Variants in GPC6 observed in about 807,000 individuals in gnomAD.
GPC6 encodes the protein glypican 6.
A neutral mutation model predicts 55.2 loss-of-function variants in GPC6; 14 were observed. That is an observed-to-expected ratio of 0.25 (90% CI 0.17 to 0.40). The LOEUF is 0.40. GPC6 is among the 10% of genes least tolerant of loss of function. The pLI is 1.00. For missense variants in GPC6, 641 were observed against 708.5 expected (o/e 0.90, Z 1.08); for synonymous variants, 278 against 259.6 (o/e 1.07, Z -0.68).
chr13:93,953,272 G>A (rs1017748713), intron 3 of GPC6, among the ~76,000 whole-genome samples: 6 of 152,010 alleles, frequency 3.9e-5, no homozygotes, highest in African/African-American at 1.5e-4. Flanking sequence ...GTTTTATGGA[G>A]CATTTAAACT....
chr13:93,941,218 G>C (rs2140363158), intron 3 of GPC6, among the ~76,000 whole-genome samples: 1 of 152,242 alleles, frequency 6.6e-6, no homozygotes, highest in East Asian at 1.9e-4. Context: ...ACATAAAATA[G>C]AAATCTTGAT....
intron 1 of GPC6, among the ~76,000 whole-genome samples, chr13:93,455,671 G>A (rs1249687148): frequency 6.6e-6 from 1 of 152,098 alleles, no homozygotes; most frequent in Non-Finnish European, 1.5e-5. Context: ...GGATTTCTAA[G>A]AGAAAGGAAT....
intron 3 of GPC6, among the ~76,000 whole-genome samples, chr13:93,982,342 G>A (rs1299050114): frequency 2.6e-5 from 4 of 152,154 alleles, no homozygotes; most frequent in Non-Finnish European, 5.9e-5. Flanking sequence ...CTAATACAAT[G>A]TGATTAGTCC....
intron 4 of GPC6, among the ~76,000 whole-genome samples, chr13:94,112,369 G>C (rs1886278278): frequency 6.6e-6 from 1 of 152,256 alleles, no homozygotes; most frequent in Non-Finnish European, 1.5e-5. Context: ...ATGTGCTAGG[G>C]TGACCTAATT....
At chr13:93,562,195 C>T (rs943772935) in intron 2 of GPC6, among the ~76,000 whole-genome samples, 3 of 151,876 alleles carry the variant, frequency 2.0e-5, no homozygotes, top group Non-Finnish European at 4.4e-5. Flanking sequence ...TATTTAGTGC[C>T]GTTACCAGAC....
intron 4 of GPC6, among the ~76,000 whole-genome samples, chr13:94,138,790 G>T (rs927008232): frequency 1.3e-5 from 2 of 152,086 alleles, no homozygotes; most frequent in Non-Finnish European, 2.9e-5. Context: ...TGACAATAGC[G>T]ACAAGGATGG....
chr13:93,971,935 G>T (rs1880299048), intron 3 of GPC6, among the ~76,000 whole-genome samples: 1 of 152,170 alleles, frequency 6.6e-6, no homozygotes, highest in Admixed American at 6.5e-5. Flanking sequence ...CTCACGCTGG[G>T]CAGGAGGAGT....
At chr13:93,656,432 A>G (rs1424291803) in intron 2 of GPC6, among the ~76,000 whole-genome samples, 4 of 152,140 alleles carry the variant, frequency 2.6e-5, no homozygotes, top group African/African-American at 9.6e-5. Flanking sequence ...TCTCTCCTAT[A>G]CCTGGACCAT....
chr13:93,816,762 G>A (rs1418607401), intron 2 of GPC6, among the ~76,000 whole-genome samples: 1 of 150,840 alleles, frequency 6.6e-6, no homozygotes. Context: ...TCAACCAATT[G>A]TAAATCGTTA....
At chr13:93,924,318 CGAGGACATT>C (rs1439361186) in intron 3 of GPC6, among the ~76,000 whole-genome samples, 1 of 152,192 alleles carries the variant, frequency 6.6e-6, no homozygotes, top group Admixed American at 6.5e-5. Flanking sequence ...TGTCACATGC[CGAGGACATT>C]CAGGAGTGGC....
chr13:93,300,488 A>C, intron 1 of GPC6, among the ~76,000 whole-genome samples: 1 of 151,574 alleles, frequency 6.6e-6, no homozygotes, highest in Non-Finnish European at 1.5e-5. Context: ...CTCTACTAAA[A>C]ATACAAAAAA....
chr13:94,185,382 A>T (rs1438486089), intron 4 of GPC6, among the ~76,000 whole-genome samples: 1 of 152,102 alleles, frequency 6.6e-6, no homozygotes, highest in Non-Finnish European at 1.5e-5. Flanking sequence ...TTCACACATT[A>T]GGGTTATCAC....
At position 93,561,426 on chromosome 13, in the gene GPC6, T is replaced by TATATATATATATATATATATATATATATA. The variant is rs61094312; in HGVS notation, c.319+16005_319+16006insATATATATATATATATATATATATATATA. Reference sequence around the variant, plus strand: ...ATCGATATATATATATATATATATATTTGTTGCAGTTCTTATATTCTAATA... The same window carrying TATATATATATATATATATATATATATATA: ...ATCGATATATATATATATATATATATATATATATATATATATATATATATATATATTGTTGCAGTTCTTATATTCTAATA... On this transcript the variant is annotated intron_variant, in intron 2 of 8. Transcript: ENST00000377047. Among the ~76,000 whole-genome samples the TATATATATATATATATATATATATATATA allele has an allele frequency of 2.0e-3, 285 of 143,300 alleles. 1 individual carries two copies. The highest frequency in any genetic ancestry group is 3.0e-3 in the Non-Finnish European group (195 of 65,156). 94.0% of individuals were successfully genotyped at this position (143,300 alleles called of 152,430 possible). A position where few individuals can be genotyped will look rare whatever the true frequency, so the allele number is the denominator to read the frequency against.
chr13:93,843,951 G>T (rs1888061209), intron 3 of GPC6, among the ~76,000 whole-genome samples: 1 of 151,856 alleles, frequency 6.6e-6, no homozygotes, highest in Non-Finnish European at 1.5e-5. Flanking sequence ...GAAAAATAAT[G>T]CTTCAAAAAT....
intron 1 of GPC6, among the ~76,000 whole-genome samples, chr13:93,380,606 G>C (rs1241537231): frequency 6.6e-6 from 1 of 152,060 alleles, no homozygotes; most frequent in African/African-American, 2.4e-5. Flanking sequence ...GTCCTTATGG[G>C]GTTGAGTATC....
chr13:94,402,914 T>C, intron 8 of GPC6, 101 bp from the exon 9 acceptor site: 5 of 886,036 alleles, frequency 5.6e-6, no homozygotes, highest in Non-Finnish European at 9.6e-6. Context: ...CCCTGACAGG[T>C]GGGGATTATG....
intron 3 of GPC6, among the ~76,000 whole-genome samples, chr13:93,926,028 A>G (rs559059339): frequency 6.6e-6 from 1 of 152,190 alleles, no homozygotes; most frequent in Non-Finnish European, 1.5e-5. Flanking sequence ...CAGCATGTAG[A>G]TATCAGAGTA....
At chr13:93,923,485 A>T (rs1877682904) in intron 3 of GPC6, among the ~76,000 whole-genome samples, 1 of 43,000 alleles carries the variant, frequency 2.3e-5, no homozygotes, top group South Asian at 1.1e-3. Context: ...AGAAAAATAA[A>T]GCAAAAAAAA....
intron 2 of GPC6, among the ~76,000 whole-genome samples, chr13:93,628,734 G>A: frequency 6.6e-6 from 1 of 151,996 alleles, no homozygotes; most frequent in East Asian, 1.9e-4. Context: ...TCGGATTTTG[G>A]ATTAATATAT....
Sources: allele counts gnomAD v4.1 joint callset (sites outside exome capture counted in the v4.1 genomes callset), GRCh38; gene constraint gnomAD v4.1.1; transcripts MANE v1.5; gene names NCBI Gene and HGNC (gene_info 2026-07-23, HGNC 2026-07-21).